The following KIAA1217 variants were observed in gnomAD, a reference collection of about 807,000 sequenced individuals.
KIAA1217 encodes the protein sickle tail protein homolog.
In KIAA1217, 88 loss-of-function variants were observed where a neutral mutation model predicts 163.9. That is an observed-to-expected ratio of 0.54 (90% CI 0.45 to 0.64). The LOEUF is 0.64. Ranked by LOEUF, KIAA1217 falls within the 30% of genes least tolerant of loss-of-function variation. The probability of loss-of-function intolerance (pLI) is 0.00; values close to 1 mark genes in which losing one functional copy is unlikely to be tolerated. For missense variants in KIAA1217, 2,372 were observed against 2,475.0 expected (o/e 0.96, Z 0.88); for synonymous variants, 903 against 923.1 (o/e 0.98, Z 0.39).
rs766663060 is a variant in KIAA1217, at chr10:24,473,783, T to C, written c.1402T>C (p.Ser468Pro). ...YPDSHLPTLG[S>P]KTPPASPHRV... is the part of the protein sequence containing the mutation. ...GGATAGCCATTTGCCTACACTGGGC[T>C]CCAAAACACCCCCTGCCTCTCCTCA... The change falls in exon 6 of 21, where the codon TCC becomes CCC. Residue 468 changes from serine to proline, a missense_variant. By Grantham distance (74) the Ser-to-Pro change is moderately conservative. Transcript: ENST00000376454. 6.2e-5 allele frequency: 100 copies of C among 1,613,912 alleles called. No individual in the cohort carries two copies. Among genetic ancestry groups the C allele is most frequent in the Non-Finnish European group, 7.9e-5 (93 of 1,180,036 alleles).
intron 1 of KIAA1217, among the ~76,000 whole-genome samples, chr10:23,845,337 A>G (rs975543930): frequency 6.6e-6 from 1 of 152,122 alleles, no homozygotes; most frequent in South Asian, 2.1e-4. Context: ...GGTTGAACTA[A>G]TTTACAGTCC....
At chr10:24,048,415 T>C (rs1849205109) in intron 2 of KIAA1217, among the ~76,000 whole-genome samples, 3 of 152,246 alleles carry the variant, frequency 2.0e-5, no homozygotes, top group Non-Finnish European at 2.9e-5. Context: ...GAGTTTTCCA[T>C]TTCTTGACTA....
At chr10:24,377,175 A>G (rs2052622848) in intron 2 of KIAA1217, among the ~76,000 whole-genome samples, 1 of 151,398 alleles carries the variant, frequency 6.6e-6, no homozygotes, top group South Asian at 2.1e-4. Context: ...TATACAGACC[A>G]CCCCCTTCAT....
chr10:23,781,710 C>T (rs1275145866), intron 1 of KIAA1217, among the ~76,000 whole-genome samples: 1 of 152,158 alleles, frequency 6.6e-6, no homozygotes, highest in East Asian at 1.9e-4. Context: ...TCAGATTGTA[C>T]AATAGTTCTT....
upstream of KIAA1217, among the ~76,000 whole-genome samples, chr10:24,204,647 T>C (rs2067448818): frequency 6.6e-6 from 1 of 151,676 alleles, no homozygotes; most frequent in Non-Finnish European, 1.5e-5. Flanking sequence ...CGTGGTGTCT[T>C]ATTGTCCAGT....
chr10:23,825,386 A>G lies in KIAA1217; in HGVS notation c.-321+130152A>G, dbSNP rs140155839. On this transcript the variant is annotated intron_variant, in intron 1 of 18. Coordinates refer to the KIAA1217 transcript ENST00000376462. ...TTCCTTATCTTTGCATCCTCTTTAA[A>G]TGGTTTAAACTCTTAGAAGTTACAT... Among the ~76,000 whole-genome samples the G allele has an allele frequency of 3.6e-3, 548 of 152,268 alleles. 2 individuals are homozygous for G. Among genetic ancestry groups the G allele is most frequent in the African/African-American group, 0.013 (522 of 41,540 alleles).
At chr10:24,373,328 C>T (rs1374240175) in intron 2 of KIAA1217, among the ~76,000 whole-genome samples, 1 of 152,172 alleles carries the variant, frequency 6.6e-6, no homozygotes, top group African/African-American at 2.4e-5. Context: ...ATCCACTCCC[C>T]TCTTCCTGCG....
chr10:23,809,083 C>A (rs1177090262), intron 1 of KIAA1217, among the ~76,000 whole-genome samples: 2 of 151,988 alleles, frequency 1.3e-5, no homozygotes, highest in African/African-American at 2.4e-5. Context: ...TAAGCAATGA[C>A]AAACTTTGAC....
At chr10:24,068,066 G>T (rs2061036762) in intron 2 of KIAA1217, among the ~76,000 whole-genome samples, 1 of 152,196 alleles carries the variant, frequency 6.6e-6, no homozygotes, top group Non-Finnish European at 1.5e-5. Context: ...CTAGGAAAGG[G>T]AATTCCCTGA....
At chr10:23,712,264 C>A (rs1159516385) in intron 1 of KIAA1217, among the ~76,000 whole-genome samples, 4 of 151,988 alleles carry the variant, frequency 2.6e-5, no homozygotes, top group Non-Finnish European at 5.9e-5. Context: ...TCCTTACATC[C>A]CTAGCCCTAT....
intron 2 of KIAA1217, among the ~76,000 whole-genome samples, chr10:24,140,697 A>G (rs1417277041): frequency 6.6e-6 from 1 of 152,174 alleles, no homozygotes; most frequent in African/African-American, 2.4e-5. Flanking sequence ...ATATTTTTGA[A>G]CTGAGGTTAA....
intron 9 of KIAA1217, among the ~76,000 whole-genome samples, chr10:24,502,386 C>T (rs1203017485): frequency 2.6e-5 from 4 of 151,776 alleles, no homozygotes; most frequent in African/African-American, 9.7e-5. Flanking sequence ...CATTCAGATA[C>T]TGTGATCCAT....
intron 1 of KIAA1217, among the ~76,000 whole-genome samples, chr10:23,793,335 C>T (rs114537962): frequency 6.6e-6 from 1 of 152,276 alleles, no homozygotes; most frequent in African/African-American, 2.4e-5. Context: ...CCAGATAGCA[C>T]GTCCCCGGTG....
At chr10:24,490,860 A>G (rs11014109) in intron 6 of KIAA1217, among the ~76,000 whole-genome samples, 31,595 of 152,128 alleles carry the variant, frequency 0.21, 3,600 homozygotes, top group South Asian at 0.38. Flanking sequence ...TGCAGGTGAC[A>G]TGCCCTGAAC....
chr10:24,011,675 T>TAACA (rs1229489204), intron 2 of KIAA1217, among the ~76,000 whole-genome samples: 7 of 152,170 alleles, frequency 4.6e-5, no homozygotes, highest in Admixed American at 3.9e-4. Flanking sequence ...ACTCTCAACT[T>TAACA]AACACTCAAC....
chr10:24,177,708 TC>T lies in KIAA1217; in HGVS notation c.-170-41914del, dbSNP rs560803912. On this transcript the variant is annotated intron_variant, in intron 2 of 18. Coordinates refer to the KIAA1217 transcript ENST00000376462. ...TCCAATCAATGCCTATATTTATTTT[TC>T]CCCAAGCAGTTAGACAAATTGAAGG... is the stretch of plus-strand genomic sequence containing the variant. 1.1e-4 allele frequency among the ~76,000 whole-genome samples: 16 copies of T among 152,116 alleles called. No individual in the cohort carries two copies. In the South Asian group the frequency reaches 3.1e-3, roughly 30 times the overall value.
intron 1 of KIAA1217, among the ~76,000 whole-genome samples, chr10:23,954,120 G>C (rs919555270): frequency 1.1e-4 from 17 of 152,148 alleles, no homozygotes; most frequent in Non-Finnish European, 1.8e-4. Flanking sequence ...GCAAGAACAT[G>C]GTGGGCCATT....
chr10:23,758,967 C>A (rs1254416010), intron 1 of KIAA1217, among the ~76,000 whole-genome samples: 1 of 151,882 alleles, frequency 6.6e-6, no homozygotes, highest in Non-Finnish European at 1.5e-5. Context: ...TAAAAAAAGT[C>A]ATTGGGAGTT....
chr10:23,791,605 A>G (rs1835953807), intron 1 of KIAA1217, among the ~76,000 whole-genome samples: 1 of 152,218 alleles, frequency 6.6e-6, no homozygotes, highest in Admixed American at 6.5e-5. Flanking sequence ...TTATAGTTTA[A>G]GTACCGCTTT....
Sources: gnomAD v4.1 joint callset for allele counts (sites outside exome capture counted in the v4.1 genomes callset) on GRCh38, gnomAD v4.1.1 for gene constraint, MANE v1.5 for transcripts, NCBI Gene and HGNC (gene_info 2026-07-23, HGNC 2026-07-21) for gene names.